Variants in RBMS2 observed in about 807,000 individuals in gnomAD.
RBMS2 encodes the protein RNA binding motif single stranded interacting protein 2, also known as RNA-binding motif, single-stranded-interacting protein 2.
RBMS2 carries 38 observed loss-of-function variants against 58.4 expected under a neutral mutation model. That is an observed-to-expected ratio of 0.65 (90% confidence interval 0.50 to 0.85). The LOEUF (loss-of-function observed/expected upper bound fraction) is 0.85, where lower values mean the gene tolerates loss of function less well. RBMS2 is among the 40% of genes least tolerant of loss of function. The pLI is 0.00. For synonymous variants in RBMS2, 151 were observed against 180.7 expected, an observed-to-expected ratio of 0.84 and a Z score of 1.32; for missense variants, 367 against 503.7, an observed-to-expected ratio of 0.73 and a Z score of 2.60.
At chr12:56,588,903 G>A in intron 12 of RBMS2, 29 bp from the exon 13 acceptor site, 1 of 1,612,128 alleles carries the variant, frequency 6.2e-7, no homozygotes, top group Non-Finnish European at 8.5e-7. Context: ...GAATGCGCAA[G>A]ATGACCCCCC....
At position 56,533,443 on chromosome 12, in the gene RBMS2, T is replaced by C. The variant is rs1223641102; in HGVS notation, c.66+11354T>C. Among the ~76,000 whole-genome samples, 11 of 92,830 alleles carry C rather than the reference T, an allele frequency of 1.2e-4. 1 individual carries two copies. The highest frequency in any genetic ancestry group is 9.4e-4 in the Admixed American group (7 of 7,446). The allele number at this position is 92,830 out of a possible 152,430, so 60.9% of individuals were successfully genotyped here. Reference sequence around the variant, plus strand: ...TTTTTTTTTTTTTTTTGAGACGGGATCTTCCTCTGTCACCCAGGCTGGAGT... The same window carrying C: ...TTTTTTTTTTTTTTTTGAGACGGGACCTTCCTCTGTCACCCAGGCTGGAGT... On this transcript the variant is annotated intron_variant, in intron 1 of 13. Transcript: ENST00000262031.
chr12:56,587,464 G>C, intron 10 of RBMS2, 90 bp from the exon 11 acceptor site: 1 of 1,336,182 alleles, frequency 7.5e-7, no homozygotes. Context: ...TTAAATGTCT[G>C]TCTCCAGTGG....
intron 1 of RBMS2, among the ~76,000 whole-genome samples, chr12:56,556,043 T>A (rs1206321790): frequency 6.8e-6 from 1 of 147,940 alleles, no homozygotes; most frequent in Non-Finnish European, 1.5e-5. Context: ...AGACTCTGTG[T>A]CTTAAAAAAA....
chr12:56,540,790 A>G (rs766054285), intron 1 of RBMS2, among the ~76,000 whole-genome samples: 6 of 152,186 alleles, frequency 3.9e-5, no homozygotes, highest in Non-Finnish European at 7.3e-5. Flanking sequence ...AGCTAATACA[A>G]GACAATGGTA....
intron 1 of RBMS2, among the ~76,000 whole-genome samples, chr12:56,548,088 C>A (rs918565677): frequency 1.3e-5 from 2 of 152,150 alleles, no homozygotes; most frequent in Non-Finnish European, 2.9e-5. Context: ...ATACGTCACT[C>A]ATACACCATT....
At chr12:56,549,883 C>T (rs1030956974) in intron 1 of RBMS2, among the ~76,000 whole-genome samples, 8 of 152,080 alleles carry the variant, frequency 5.3e-5, no homozygotes, top group South Asian at 2.1e-4. Context: ...CAAAATTAAC[C>T]GGGCGTGGTG....
chr12:56,577,264 C>T (rs1366546022), intron 5 of RBMS2, among the ~76,000 whole-genome samples: 6 of 150,760 alleles, frequency 4.0e-5, no homozygotes, highest in South Asian at 2.1e-4. Context: ...ATTAGCTGGG[C>T]GAGCGCCTGT....
At chr12:56,568,930 G>T in intron 2 of RBMS2, 45 bp from the exon 3 acceptor site, 1 of 1,491,068 alleles carries the variant, frequency 6.7e-7, no homozygotes, top group African/African-American at 1.4e-5. Context: ...CCTATTCTTA[G>T]TCTCTGCCCC....
At chr12:56,582,662 TTTTG>T (rs373593997) in intron 9 of RBMS2, among the ~76,000 whole-genome samples, 10 of 152,134 alleles carry the variant, frequency 6.6e-5, no homozygotes, top group African/African-American at 9.6e-5. Context: ...TGATCTGGGC[TTTTG>T]TTTGTTTGTT....
intron 1 of RBMS2, among the ~76,000 whole-genome samples, chr12:56,543,501 T>C (rs1225696287): frequency 2.0e-5 from 3 of 148,410 alleles, no homozygotes; most frequent in Admixed American, 6.8e-5. Flanking sequence ...AAAAAAGTAC[T>C]GAGAGTCACC....
chr12:56,562,168 AG>A (rs1880550475), intron 1 of RBMS2, among the ~76,000 whole-genome samples: 1 of 152,236 alleles, frequency 6.6e-6, no homozygotes, highest in African/African-American at 2.4e-5. Flanking sequence ...AAAAAGGAAT[AG>A]GAAATATAAA....
Position 56,529,612 on chromosome 12 carries a change from A to G in RBMS2, c.66+7523A>G, listed in dbSNP as rs966689687. Among the ~76,000 whole-genome samples the G allele has an allele frequency of 7.5e-5, 11 of 147,194 alleles. No homozygotes were observed. The East Asian group carries it at 7.8e-4, about 10-fold the overall frequency. On this transcript the variant is annotated intron_variant, in intron 1 of 13. Transcript: ENST00000262031. Reference sequence around the variant, plus strand: ...CAACAACAAAACAAATCTCTAGGGGAAAAAAAAAAGAAAAAAGGATGGAAT... The same window carrying G: ...CAACAACAAAACAAATCTCTAGGGGGAAAAAAAAAGAAAAAAGGATGGAAT...
chr12:56,542,315 T>C (rs1876238105), intron 1 of RBMS2, among the ~76,000 whole-genome samples: 1 of 152,088 alleles, frequency 6.6e-6, no homozygotes, highest in African/African-American at 2.4e-5. Flanking sequence ...TCTTCCCACC[T>C]TGGCCTCCCA....
chr12:56,563,017 G>A (rs139093040), intron 2 of RBMS2, among the ~76,000 whole-genome samples: 3,152 of 152,256 alleles, frequency 0.021, 52 homozygotes, highest in Middle Eastern at 0.071. Context: ...CAGCTACTTA[G>A]AAGGCTGAGG....
chr12:56,578,678 C>T (rs999565658), intron 5 of RBMS2, among the ~76,000 whole-genome samples: 1 of 151,986 alleles, frequency 6.6e-6, no homozygotes, highest in African/African-American at 2.4e-5. Context: ...TTAAAAATTT[C>T]TTCTGGCCAG....
intron 5 of RBMS2, among the ~76,000 whole-genome samples, chr12:56,577,922 A>G (rs187947606): frequency 1.3e-5 from 2 of 151,936 alleles, no homozygotes; most frequent in East Asian, 3.9e-4. Context: ...AGCTGAGCTC[A>G]GGCAATCCAC....
At chr12:56,533,743 T>A (rs1193357626) in intron 1 of RBMS2, among the ~76,000 whole-genome samples, 1 of 152,074 alleles carries the variant, frequency 6.6e-6, no homozygotes, top group Non-Finnish European at 1.5e-5. Context: ...AAACATAGTT[T>A]TAGTTTTCTG....
At chr12:56,587,723 T>C (rs1884867451) in intron 11 of RBMS2, 59 bp downstream of exon 11, 11 of 1,549,314 alleles carry the variant, frequency 7.1e-6, no homozygotes, top group Middle Eastern at 3.4e-4. Context: ...ACCTGTGTAA[T>C]ACTCTTCAGC....
intron 1 of RBMS2, among the ~76,000 whole-genome samples, chr12:56,558,770 A>AT (rs71081380): frequency 1.6e-3 from 235 of 149,394 alleles, no homozygotes; most frequent in African/African-American, 4.9e-3. Flanking sequence ...TAATTTTTGC[A>AT]TTTTTTTTTT....
Sources: allele counts gnomAD v4.1 joint callset (sites outside exome capture counted in the v4.1 genomes callset), GRCh38; gene constraint gnomAD v4.1.1; transcripts MANE v1.5; gene names NCBI Gene and HGNC (gene_info 2026-07-23, HGNC 2026-07-21).